Variants in TSPAN5 observed in about 807,000 individuals in gnomAD.
The protein encoded by TSPAN5 is tetraspanin-5.
TSPAN5 carries 10 observed loss-of-function variants against 37.1 expected under a neutral mutation model. The ratio of observed to expected loss-of-function variants is 0.27; its 90% CI spans 0.17 to 0.46. TSPAN5 has a LOEUF of 0.46. TSPAN5 is among the 20% of genes least tolerant of loss of function. The pLI is 1.00. For missense variants in TSPAN5, 195 were observed against 326.6 expected (o/e 0.60, Z 3.11); for synonymous variants, 110 against 118.9 (o/e 0.93, Z 0.48).
chr4:98,657,041 C>CATCT (rs1757307797), intron 1 of TSPAN5, among the ~76,000 whole-genome samples: 2 of 152,126 alleles, frequency 1.3e-5, no homozygotes, highest in Admixed American at 1.3e-4. Flanking sequence ...AGACAGCCAC[C>CATCT]ATCTTTACTT....
At chr4:98,494,535 A>G (rs909178957) in intron 2 of TSPAN5, among the ~76,000 whole-genome samples, 54 of 151,940 alleles carry the variant, frequency 3.6e-4, no homozygotes, top group Middle Eastern at 3.4e-3. Context: ...ATGGTACTCT[A>G]TGTCCTAAGG....
rs146617874 is a variant in TSPAN5, at chr4:98,549,018, C to T, written c.82-41290G>A. ...GAACAGCAGTGTGGTGAACATATGACTTGAGGTGTTTTTAAATATAATAAT... is the reference window on the plus strand; with the variant it reads ...GAACAGCAGTGTGGTGAACATATGATTTGAGGTGTTTTTAAATATAATAAT... On this transcript the variant is annotated intron_variant, in intron 1 of 7. Coordinates refer to ENST00000305798, the MANE Select transcript of TSPAN5 (RefSeq NM_005723.4). Among the ~76,000 whole-genome samples, 365 of 152,088 alleles carry T rather than the reference C, an allele frequency of 2.4e-3. 6 individuals carry two copies. Among genetic ancestry groups the T allele is most frequent in the African/African-American group, 8.4e-3 (349 of 41,464 alleles).
At chr4:98,619,119 A>G (rs1026473271) in intron 1 of TSPAN5, among the ~76,000 whole-genome samples, 1 of 152,216 alleles carries the variant, frequency 6.6e-6, no homozygotes, top group Non-Finnish European at 1.5e-5. Context: ...TCTTCACCCA[A>G]CAAGTATAAA....
intron 2 of TSPAN5, among the ~76,000 whole-genome samples, chr4:98,502,320 T>C (rs1032957803): frequency 6.6e-5 from 10 of 152,164 alleles, no homozygotes; most frequent in Non-Finnish European, 1.3e-4. Context: ...GCCCCAAGTC[T>C]AGATGAGATT....
At chr4:98,556,045 A>C (rs116667075) in intron 1 of TSPAN5, among the ~76,000 whole-genome samples, 37,993 of 63,910 alleles carry the variant, frequency 0.59, 11,958 homozygotes, top group South Asian at 0.72. Flanking sequence ...GCACCCCCAC[A>C]CACACACACA....
Position 98,556,018 on chromosome 4 carries a change from ACACCCCCACACACACAG to A in TSPAN5, c.82-48307_82-48291del, listed in dbSNP as rs1347221302. 3.5e-4 allele frequency among the ~76,000 whole-genome samples: 43 copies of A among 122,500 alleles called. 10 individuals carry two copies. The highest frequency in any genetic ancestry group is 5.2e-4 in the Non-Finnish European group (31 of 59,748). 80.4% of individuals were successfully genotyped at this position (122,500 alleles called of 152,430 possible). A position where few individuals can be genotyped will look rare whatever the true frequency, so the allele number is the denominator to read the frequency against. On this transcript the variant is annotated intron_variant, in intron 1 of 7. Coordinates refer to ENST00000305798, the MANE Select transcript of TSPAN5 (RefSeq NM_005723.4). ...GCGCACACACACACGTGCACAGCAC[ACACCCCCACACACACAG>A]CACCCCCACACACACACACACACAC... is the stretch of plus-strand genomic sequence containing the variant.
intron 1 of TSPAN5, among the ~76,000 whole-genome samples, chr4:98,587,253 G>C (rs995496324): frequency 3.3e-5 from 5 of 152,232 alleles, no homozygotes; most frequent in African/African-American, 4.8e-5. Context: ...GTGTGTGCCA[G>C]TGATCCAATT....
intron 1 of TSPAN5, among the ~76,000 whole-genome samples, chr4:98,572,285 A>T (rs1357057371): frequency 1.3e-5 from 2 of 152,166 alleles, no homozygotes; most frequent in African/African-American, 4.8e-5. Context: ...GGACATTAAG[A>T]CCGTAAGCAT....
At chr4:98,555,977 G>A (rs7681044) in intron 1 of TSPAN5, among the ~76,000 whole-genome samples, 84,129 of 134,016 alleles carry the variant, frequency 0.63, 24,865 homozygotes, top group South Asian at 0.78. Context: ...ACACGCGCGC[G>A]CACACACACG....
intron 1 of TSPAN5, among the ~76,000 whole-genome samples, chr4:98,568,202 T>C (rs981911197): frequency 3.9e-5 from 6 of 152,162 alleles, no homozygotes; most frequent in African/African-American, 1.4e-4. Context: ...TGACTTATGC[T>C]GGGGCTTCTG....
chr4:98,601,462 C>A (rs115769482), intron 1 of TSPAN5, among the ~76,000 whole-genome samples: 1 of 152,198 alleles, frequency 6.6e-6, no homozygotes, highest in Non-Finnish European at 1.5e-5. Flanking sequence ...CTTCACCTTG[C>A]GCTTTTATGT....
chr4:98,598,596 C>G (rs1755811092), intron 1 of TSPAN5, among the ~76,000 whole-genome samples: 1 of 152,128 alleles, frequency 6.6e-6, no homozygotes, highest in Admixed American at 6.5e-5. Context: ...TCCCAAGTAG[C>G]TGGCACTACA....
At chr4:98,637,262 A>G (rs1044829013) in intron 1 of TSPAN5, among the ~76,000 whole-genome samples, 10 of 152,210 alleles carry the variant, frequency 6.6e-5, no homozygotes, top group African/African-American at 2.2e-4. Flanking sequence ...CATCACGCAC[A>G]TTCCAGGGAA....
intron 1 of TSPAN5, among the ~76,000 whole-genome samples, chr4:98,613,417 T>C (rs1017934827): frequency 6.6e-6 from 1 of 152,196 alleles, no homozygotes; most frequent in Non-Finnish European, 1.5e-5. Context: ...CAGGATATTA[T>C]GGTTTCAACA....
intron 1 of TSPAN5, among the ~76,000 whole-genome samples, chr4:98,514,138 C>A (rs925272857): frequency 1.3e-5 from 2 of 152,134 alleles, no homozygotes; most frequent in African/African-American, 4.8e-5. Context: ...AAAAACCCAA[C>A]ATTCTGATGA....
intron 1 of TSPAN5, among the ~76,000 whole-genome samples, chr4:98,592,489 G>C (rs1421133932): frequency 2.1e-5 from 3 of 142,138 alleles, no homozygotes; most frequent in Non-Finnish European, 3.0e-5. Flanking sequence ...ACATTGTGCA[G>C]GTTAGTTACA....
chr4:98,605,483 A>C (rs1756011952), intron 1 of TSPAN5, among the ~76,000 whole-genome samples: 1 of 152,206 alleles, frequency 6.6e-6, no homozygotes, highest in South Asian at 2.1e-4. Flanking sequence ...TTCAGCAGTC[A>C]CTACTCACTG....
At chr4:98,556,014 GCACACACCCCCACA>G (rs1754738184) in intron 1 of TSPAN5, among the ~76,000 whole-genome samples, 1 of 129,684 alleles carries the variant, frequency 7.7e-6, no homozygotes, top group Non-Finnish European at 1.6e-5. Flanking sequence ...CACGTGCACA[GCACACACCCCCACA>G]CACACAGCAC....
At chr4:98,628,379 C>G (rs1756655817) in intron 1 of TSPAN5, among the ~76,000 whole-genome samples, 1 of 152,306 alleles carries the variant, frequency 6.6e-6, no homozygotes, top group South Asian at 2.1e-4. Flanking sequence ...TTTAACATGA[C>G]AACAGGAGCA....
Sources: allele counts gnomAD v4.1 joint callset (sites outside exome capture counted in the v4.1 genomes callset), GRCh38; gene constraint gnomAD v4.1.1; transcripts MANE v1.5; gene names NCBI Gene and HGNC (gene_info 2026-07-23, HGNC 2026-07-21).